WIPF3: variants seen among roughly 807,000 people sequenced by gnomAD.
WIPF3 encodes the protein WAS/WASL interacting protein family member 3.
In WIPF3, 33 loss-of-function variants were observed where a neutral mutation model predicts 38.9. The observed-to-expected ratio is 0.85, with a 90% confidence interval of 0.64 to 1.14. The LOEUF is 1.14. Among genes scored for constraint, WIPF3 ranks in the 50% most tolerant of loss-of-function variants. WIPF3 has a pLI of 0.00. For missense variants in WIPF3, 711 were observed against 652.5 expected (o/e 1.09, Z -0.98); for synonymous variants, 324 against 269.3 (o/e 1.20, Z -1.99).
intron 2 of WIPF3, among the ~76,000 whole-genome samples, chr7:29,835,846 C>A (rs1784791068): frequency 6.6e-6 from 1 of 152,174 alleles, no homozygotes; most frequent in South Asian, 2.1e-4. Context: ...AGGAACAGAA[C>A]CTCCCTGCCA....
At position 29,875,837 on chromosome 7, in the gene WIPF3, C is replaced by T. The variant is rs1041841951; in HGVS notation, c.98C>T (p.Thr33Ile). ...CCTTTTACTCCCTTACAGGTAAGCA[C>T]AGACACCTCCAGCTTGCGAAGGGCA... ...PPPPSAPPVS[T>I]DTSSLRRADP... Residue 33 changes from threonine (T) to isoleucine (I), a missense_variant, in exon 3 of 9, where the codon ACA (threonine) becomes ATA (isoleucine). Physicochemically the swap from Thr to Ile is moderately conservative, Grantham distance 89. Coordinates refer to ENST00000242140, the MANE Select transcript of WIPF3 (RefSeq NM_001080529.3). The T allele has an allele frequency of 3.7e-6, 6 of 1,613,878 alleles. No individual in the cohort carries two copies. The African/African-American group carries it at 8.0e-5, about 22-fold the overall frequency.
intron 2 of WIPF3, among the ~76,000 whole-genome samples, chr7:29,875,538 T>C (rs174959): frequency 0.46 from 70,130 of 151,578 alleles, 17,858 homozygotes; most frequent in East Asian, 0.88. Context: ...GTGGGGAGTG[T>C]AAGAGAGAGG....
At chr7:29,870,426 GGT>G (rs1785474647) in intron 2 of WIPF3, among the ~76,000 whole-genome samples, 1 of 152,164 alleles carries the variant, frequency 6.6e-6, no homozygotes, top group Non-Finnish European at 1.5e-5. Flanking sequence ...ATGGAGAAGA[GGT>G]GACAGATTTC....
intron 2 of WIPF3, among the ~76,000 whole-genome samples, chr7:29,856,498 T>C (rs1785189384): frequency 1.3e-5 from 2 of 152,102 alleles, no homozygotes; most frequent in Admixed American, 6.6e-5. Flanking sequence ...CATGTTGGTG[T>C]GCTGTCTGTT....
chr7:29,891,206 C>T (rs1244645815), intron 7 of WIPF3, among the ~76,000 whole-genome samples: 15 of 100,582 alleles, frequency 1.5e-4, no homozygotes, highest in Non-Finnish European at 2.4e-4. Flanking sequence ...GTGGAGGGGG[C>T]GAGGGCCTGC....
intron 2 of WIPF3, among the ~76,000 whole-genome samples, chr7:29,845,924 G>A (rs368394895): frequency 1.2e-4 from 19 of 152,182 alleles, no homozygotes; most frequent in East Asian, 3.9e-4. Context: ...TCCATTTGCC[G>A]TGAGCCTAAG....
chr7:29,882,654 A>G (rs918539500), intron 4 of WIPF3, among the ~76,000 whole-genome samples: 1 of 152,156 alleles, frequency 6.6e-6, no homozygotes, highest in Non-Finnish European at 1.5e-5. Flanking sequence ...GGGTAAACAC[A>G]CAGGAGACTC....
intron 1 of WIPF3, among the ~76,000 whole-genome samples, chr7:29,827,060 A>T (rs888846591): frequency 1.3e-5 from 2 of 152,204 alleles, no homozygotes; most frequent in African/African-American, 4.8e-5. Flanking sequence ...ACAGTGTCTG[A>T]CACATAGTAA....
Position 29,904,291 on chromosome 7 carries a change from A to G in WIPF3, c.1357A>G (p.Thr453Ala), listed in dbSNP as rs757589935. 3.1e-6 allele frequency: 5 copies of G among 1,613,746 alleles called. No homozygotes were observed. The highest frequency in any genetic ancestry group is 8.5e-7 in the Non-Finnish European group (1 of 1,179,818). Residue 453 changes from threonine (T) to alanine (A), a missense_variant, in exon 8 of 9, where the codon ACA becomes GCA. Transcript: ENST00000242140. ...IYPSKIPRSRTPGPWLQAEAV... is the reference protein window; with the variant it reads ...IYPSKIPRSRAPGPWLQAEAV... The stretch of plus-strand genomic sequence containing the variant: ...ATTGTTCTTTTTTCCTTCAGGCCGT[A>G]CACCTGGTCCCTGGCTCCAAGCGGA...
chr7:29,831,244 A>C (rs1784715282), intron 1 of WIPF3, among the ~76,000 whole-genome samples: 1 of 152,210 alleles, frequency 6.6e-6, no homozygotes, highest in South Asian at 2.1e-4. Flanking sequence ...CCTTATGGAG[A>C]AAATATAAGT....
intron 7 of WIPF3, among the ~76,000 whole-genome samples, chr7:29,897,474 T>G (rs563579907): frequency 6.6e-6 from 1 of 152,352 alleles, no homozygotes; most frequent in South Asian, 2.1e-4. Context: ...TCTGACAATT[T>G]TTATTTTCTG....
At chr7:29,888,324 T>A in intron 6 of WIPF3, 107 bp downstream of exon 6, 1 of 1,409,886 alleles carries the variant, frequency 7.1e-7, no homozygotes, top group Non-Finnish European at 9.5e-7. Context: ...TCAGGGTGCA[T>A]GCTTCTTTCA....
At chr7:29,868,977 C>T (rs951917605) in intron 2 of WIPF3, among the ~76,000 whole-genome samples, 1 of 152,024 alleles carries the variant, frequency 6.6e-6, no homozygotes, top group Non-Finnish European at 1.5e-5. Flanking sequence ...TGTACATACA[C>T]CCCCCAAGCA....
Position 29,884,264 on chromosome 7 carries a change from T to TTGCCCCCCCCCCC in WIPF3, c.770_771insTGCCCCCCCCCCC (p.Pro258AlafsTer64). 5 of 1,315,276 alleles carry TTGCCCCCCCCCCC rather than the reference T, an allele frequency of 3.8e-6. No homozygotes were observed. The highest frequency in any genetic ancestry group is 4.0e-6 in the Non-Finnish European group (4 of 992,700). 81.5% of individuals were successfully genotyped at this position (1,315,276 alleles called of 1,614,324 possible). ...AAGCCTCAGCTGGCTCCCTTGCACCTCCCGCCCATCCCGCCCCCGCTCCCT... is the reference window on the plus strand; with the variant it reads ...AAGCCTCAGCTGGCTCCCTTGCACCTTGCCCCCCCCCCCCCCGCCCATCCCGCCCCCGCTCCCT... On this transcript the variant is annotated frameshift_variant, in exon 5 of 9. Transcript: ENST00000242140. LOFTEE classifies it high-confidence loss of function.
chr7:29,898,082 G>A (rs181184659), intron 7 of WIPF3, among the ~76,000 whole-genome samples: 15 of 152,184 alleles, frequency 9.9e-5, no homozygotes, highest in Non-Finnish European at 2.1e-4. Context: ...CAGCACCATG[G>A]TAAGCGCTCT....
chr7:29,808,893 A>G (rs1784329334), intron 1 of WIPF3, among the ~76,000 whole-genome samples: 1 of 152,194 alleles, frequency 6.6e-6, no homozygotes, highest in African/African-American at 2.4e-5. Flanking sequence ...GATCCGAGAA[A>G]ACAAAATGTG....
intron 2 of WIPF3, among the ~76,000 whole-genome samples, chr7:29,856,588 G>T (rs529492471): frequency 6.6e-6 from 1 of 152,156 alleles, no homozygotes; most frequent in Non-Finnish European, 1.5e-5. Context: ...GTGTGAACTT[G>T]CCACTGCACA....
At chr7:29,903,197 G>A (rs1786323114) in intron 7 of WIPF3, among the ~76,000 whole-genome samples, 1 of 152,112 alleles carries the variant, frequency 6.6e-6, no homozygotes, top group Admixed American at 6.5e-5. Context: ...AGGAGGCTGA[G>A]GTGGAAGGAT....
chr7:29,908,564 C>A (rs1438531965), intron 8 of WIPF3, among the ~76,000 whole-genome samples: 2 of 152,156 alleles, frequency 1.3e-5, no homozygotes, highest in Non-Finnish European at 2.9e-5. Flanking sequence ...GAGACATTTT[C>A]CAGGAGAGTC....
Sources: gnomAD v4.1 joint callset for allele counts (sites outside exome capture counted in the v4.1 genomes callset) on GRCh38, gnomAD v4.1.1 for gene constraint, MANE v1.5 for transcripts, NCBI Gene and HGNC (gene_info 2026-07-23, HGNC 2026-07-21) for gene names.